Variants in DDX60L observed in about 807,000 individuals in gnomAD.
The protein encoded by DDX60L is DExD/H-box 60 like, also known as probable ATP-dependent RNA helicase DDX60-like.
Under a neutral mutation model 211.6 loss-of-function variants are expected in DDX60L, and 191 were observed. That is an observed-to-expected ratio of 0.90 (90% CI 0.80 to 1.02). The LOEUF (loss-of-function observed/expected upper bound fraction) is 1.02. Ranked by LOEUF, DDX60L falls within the 50% of genes least tolerant of loss-of-function variation. The pLI, the probability that DDX60L is intolerant of heterozygous loss-of-function variation, is 0.00. For synonymous variants in DDX60L, 706 were observed against 694.1 expected, an observed-to-expected ratio of 1.02 and a Z score of -0.27; for missense variants, 2,007 against 1,984.1, an observed-to-expected ratio of 1.01 and a Z score of -0.22.
intron 9 of DDX60L, 116 bp downstream of exon 9, chr4:168,448,522 T>C (rs572359509): frequency 2.0e-5 from 14 of 706,342 alleles, no homozygotes; most frequent in Middle Eastern, 4.1e-4. Context: ...AAAAAGTATG[T>C]ACACACACAA....
intron 8 of DDX60L, among the ~76,000 whole-genome samples, chr4:168,450,017 A>T (rs1372794605): frequency 1.3e-5 from 2 of 152,126 alleles, no homozygotes; most frequent in Non-Finnish European, 2.9e-5. Flanking sequence ...CAAAGATGAT[A>T]ACAGCCCTTT....
At chr4:168,457,858 A>C (rs1322854864) in intron 6 of DDX60L, 34 bp downstream of exon 6, 6 of 1,360,888 alleles carry the variant, frequency 4.4e-6, no homozygotes, top group Admixed American at 2.2e-5. Context: ...AAATTCTATC[A>C]AACTTTTATT....
chr4:168,454,441 C>G (rs1561108301), intron 7 of DDX60L, among the ~76,000 whole-genome samples: 1 of 152,092 alleles, frequency 6.6e-6, no homozygotes, highest in Non-Finnish European at 1.5e-5. Context: ...GGGATAGTAA[C>G]AGTACACTTT....
chr4:168,358,069 C>A lies in DDX60L; in HGVS notation c.*78G>T. 2 of 1,312,182 alleles carry A rather than the reference C, an allele frequency of 1.5e-6. No individual in the cohort carries two copies. Among genetic ancestry groups the A allele is most frequent in the Non-Finnish European group, 2.1e-6 (2 of 944,184 alleles). The allele number at this position is 1,312,182 out of a possible 1,614,324, so 81.3% of individuals were successfully genotyped here. A position where few individuals can be genotyped will look rare whatever the true frequency, so the allele number is the denominator to read the frequency against. On this transcript the variant is annotated 3_prime_UTR_variant, in exon 38 of 38. Transcript: ENST00000682922. ...TCCAAGACAAACATTTTTTCCATTT[C>A]ATTGTGTAAGCTTAATTATATCTCT...
rs533410736 is a variant in DDX60L at position 168,357,883 on chromosome 4, C to A, written c.*264G>T. ...TTAAGTCACCACCCAATCCCAATCA[C>A]TTTTCTTACATTATCTCATTTAATC... On this transcript the variant is annotated 3_prime_UTR_variant, in exon 38 of 38. Coordinates refer to ENST00000682922, the MANE Select transcript of DDX60L (RefSeq NM_001012967.3). 6.8e-6 allele frequency: 2 copies of A among 294,184 alleles called. No homozygotes were observed. The highest frequency in any genetic ancestry group is 1.1e-4 in the South Asian group (2 of 18,524). 18.2% of individuals were successfully genotyped at this position (294,184 alleles called of 1,614,324 possible). A position where few individuals can be genotyped will look rare whatever the true frequency, so the allele number is the denominator to read the frequency against.
At chr4:168,383,412 A>G (rs1743300420) in intron 30 of DDX60L, among the ~76,000 whole-genome samples, 1 of 152,216 alleles carries the variant, frequency 6.6e-6, no homozygotes, top group African/African-American at 2.4e-5. Context: ...TATTCTGCTC[A>G]GCCTTTGCTA....
intron 26 of DDX60L, among the ~76,000 whole-genome samples, chr4:168,397,690 C>G (rs1288720992): frequency 2.0e-5 from 3 of 152,226 alleles, no homozygotes; most frequent in African/African-American, 4.8e-5. Flanking sequence ...GTACGACAAT[C>G]TAACTAAATG....
At chr4:168,397,446 C>A (rs2149755814) in intron 26 of DDX60L, among the ~76,000 whole-genome samples, 2 of 152,134 alleles carry the variant, frequency 1.3e-5, no homozygotes, top group South Asian at 2.1e-4. Flanking sequence ...GGAATGAGAA[C>A]AAAAGACAAA....
chr4:168,363,656 CTT>C (rs1250243356), intron 36 of DDX60L, among the ~76,000 whole-genome samples: 2 of 152,118 alleles, frequency 1.3e-5, no homozygotes, highest in Non-Finnish European at 2.9e-5. Context: ...CTACAAGACT[CTT>C]TATGTTAGCA....
Position 168,453,263 on chromosome 4 carries a change from G to T in DDX60L, c.857C>A (p.Ser286Tyr), listed in dbSNP as rs760157859. 6.2e-7 allele frequency: 1 copy of T among 1,611,996 alleles called. No individual in the cohort carries two copies. Among genetic ancestry groups the T allele is most frequent in the Non-Finnish European group, 8.5e-7 (1 of 1,178,890 alleles). The change falls in exon 8 of 38, where the codon TCC becomes TAC. Residue 286 changes from serine (S) to tyrosine (Y), a missense_variant. Coordinates refer to ENST00000682922, the MANE Select transcript of DDX60L (RefSeq NM_001012967.3). Reference sequence around the variant, plus strand: ...GCAGAAATCTTCCACCTCCTGCAGGGATAGGCAATTACTGTGCACCTGCGT... The same window carrying T: ...GCAGAAATCTTCCACCTCCTGCAGGTATAGGCAATTACTGTGCACCTGCGT... ...HRVLVHSNCL[S>Y]LQEVEDFCRL...
intron 8 of DDX60L, among the ~76,000 whole-genome samples, chr4:168,452,068 C>T (rs1755878197): frequency 6.6e-6 from 1 of 152,118 alleles, no homozygotes; most frequent in African/African-American, 2.4e-5. Flanking sequence ...TTCAATAATG[C>T]AAATTGAAGT....
intron 26 of DDX60L, among the ~76,000 whole-genome samples, chr4:168,400,397 G>A (rs760734532): frequency 1.1e-4 from 17 of 152,120 alleles, no homozygotes; most frequent in Non-Finnish European, 1.8e-4. Context: ...TGGGATTGCT[G>A]GGTTGAATGG....
In DDX60L at chr4:168,357,017, T is replaced by C. The variant is rs902602446; in HGVS notation, c.*1130A>G. On this transcript the variant is annotated 3_prime_UTR_variant, in exon 38 of 38. Coordinates refer to ENST00000682922, the MANE Select transcript of DDX60L (RefSeq NM_001012967.3). ...ATTTATCACAGCAAAAACGCACCTT[T>C]AAAGGTTTGTTTTTGTTATGGTTGC... The C allele has an allele frequency of 1.6e-4, 25 of 152,230 alleles. No individual in the cohort carries two copies. Among genetic ancestry groups the C allele is most frequent in the African/African-American group, 6.0e-4 (25 of 41,474 alleles). The allele number at this position is 152,230 out of a possible 1,614,324, so 9.4% of individuals were successfully genotyped here.
At chr4:168,442,061 C>T (rs1043174709) in intron 9 of DDX60L, among the ~76,000 whole-genome samples, 6 of 152,188 alleles carry the variant, frequency 3.9e-5, no homozygotes, top group Admixed American at 2.0e-4. Context: ...ACGCAGAAGA[C>T]GGGTGATTTC....
intron 12 of DDX60L, among the ~76,000 whole-genome samples, 192 bp downstream of exon 12, chr4:168,432,263 T>C (rs1225029395): frequency 1.3e-5 from 2 of 149,164 alleles, no homozygotes; most frequent in African/African-American, 4.9e-5. Context: ...TGTGTATATA[T>C]ATATACACAC....
At chr4:168,443,575 T>G (rs1754282813) in intron 9 of DDX60L, among the ~76,000 whole-genome samples, 1 of 151,894 alleles carries the variant, frequency 6.6e-6, no homozygotes, top group African/African-American at 2.4e-5. Flanking sequence ...CACATAATTG[T>G]CAGATTCACC....
intron 6 of DDX60L, 46 bp downstream of exon 6, chr4:168,457,846 C>A: frequency 7.9e-7 from 1 of 1,265,226 alleles, no homozygotes; most frequent in Non-Finnish European, 1.1e-6. Context: ...TTCTCATTTA[C>A]CAAATTCTAT....
chr4:168,406,509 G>C, intron 23 of DDX60L, 93 bp downstream of exon 23: 1 of 856,048 alleles, frequency 1.2e-6, no homozygotes, highest in Admixed American at 2.6e-5. Context: ...CAAGTAGAGA[G>C]AATAAGTGTG....
At chr4:168,425,936 A>G (rs908578800) in intron 14 of DDX60L, among the ~76,000 whole-genome samples, 27 of 152,230 alleles carry the variant, frequency 1.8e-4, no homozygotes, top group African/African-American at 6.3e-4. Context: ...TTTCTGCTAC[A>G]TATTTCACCA....
Sources: allele counts gnomAD v4.1 joint callset (sites outside exome capture counted in the v4.1 genomes callset), GRCh38; gene constraint gnomAD v4.1.1; transcripts MANE v1.5; gene names NCBI Gene and HGNC (gene_info 2026-07-23, HGNC 2026-07-21).